STARD13: variants seen among roughly 807,000 people sequenced by gnomAD.
The protein encoded by STARD13 is StAR related lipid transfer domain containing 13, also known as stAR-related lipid transfer protein 13.
A neutral mutation model predicts 106.4 loss-of-function variants in STARD13; 62 were observed. The observed-to-expected ratio is 0.58, with a 90% CI of 0.48 to 0.72. The LOEUF is 0.72. Ranked by LOEUF, STARD13 falls within the 30% of genes least tolerant of loss-of-function variation. STARD13 has a pLI of 0.00. For missense variants in STARD13, 1,387 were observed against 1,424.0 expected (o/e 0.97, Z 0.42); for synonymous variants, 565 against 553.0 (o/e 1.02, Z -0.31).
chr13:33,126,602 T>G (rs1877209155), intron 6 of STARD13, among the ~76,000 whole-genome samples: 1 of 152,076 alleles, frequency 6.6e-6, no homozygotes, highest in African/African-American at 2.4e-5. Context: ...GAAGAAGAAA[T>G]CTGGCTGGGG....
chr13:33,257,910 A>C (rs1397848863), intron 1 of STARD13, among the ~76,000 whole-genome samples: 1 of 152,242 alleles, frequency 6.6e-6, no homozygotes, highest in Non-Finnish European at 1.5e-5. Flanking sequence ...AACAGCTGAG[A>C]CTCATAAATG....
At chr13:33,584,658 T>A in the STARD13 span, among the ~76,000 whole-genome samples, 6 of 152,200 alleles carry the variant, frequency 3.9e-5, no homozygotes, top group Non-Finnish European at 8.8e-5. Flanking sequence ...AATGCTGAAT[T>A]TGAGCAATAG....
the STARD13 span, among the ~76,000 whole-genome samples, chr13:33,522,725 T>TGACA: frequency 1.3e-5 from 2 of 152,198 alleles, no homozygotes; most frequent in African/African-American, 4.8e-5. Flanking sequence ...GTATTGGTAG[T>TGACA]GACAGACAGC....
chr13:33,419,209 A>C, the STARD13 span, among the ~76,000 whole-genome samples: 1 of 152,198 alleles, frequency 6.6e-6, no homozygotes, highest in Non-Finnish European at 1.5e-5. Flanking sequence ...AAGGAAGCTA[A>C]AAACCTTGAA....
intron 4 of STARD13, among the ~76,000 whole-genome samples, chr13:33,136,642 C>T (rs1371329217): frequency 6.6e-6 from 1 of 152,178 alleles, no homozygotes; most frequent in Non-Finnish European, 1.5e-5. Flanking sequence ...GCAGGCACTC[C>T]CCCATTCTGA....
intron 1 of STARD13, among the ~76,000 whole-genome samples, chr13:33,271,175 G>A (rs1463209854): frequency 6.6e-6 from 1 of 152,158 alleles, no homozygotes; most frequent in African/African-American, 2.4e-5. Context: ...ACGGGCCTCA[G>A]CTATGACTGA....
At chr13:33,294,136 A>T (rs553102938) in intron 1 of STARD13, among the ~76,000 whole-genome samples, 5 of 152,340 alleles carry the variant, frequency 3.3e-5, no homozygotes, top group Admixed American at 2.0e-4. Context: ...AAAGGGCATA[A>T]GAAAATTTTA....
At chr13:33,265,257 A>G (rs750365601) in intron 1 of STARD13, among the ~76,000 whole-genome samples, 10 of 151,816 alleles carry the variant, frequency 6.6e-5, no homozygotes, top group Non-Finnish European at 1.0e-4. Context: ...TTTATTCAGT[A>G]TCAGTGGGGC....
At chr13:33,609,910 G>A in the STARD13 span, among the ~76,000 whole-genome samples, 1 of 152,106 alleles carries the variant, frequency 6.6e-6, no homozygotes, top group East Asian at 1.9e-4. Context: ...TATACACTAG[G>A]CATGTGTGCT....
intron 4 of STARD13, among the ~76,000 whole-genome samples, chr13:33,136,406 C>T (rs1157126154): frequency 6.6e-6 from 1 of 152,180 alleles, no homozygotes; most frequent in Non-Finnish European, 1.5e-5. Context: ...CCTGGTGAAA[C>T]CCCACCCTCA....
the STARD13 span, among the ~76,000 whole-genome samples, chr13:33,543,893 T>C: frequency 2.0e-5 from 3 of 152,260 alleles, no homozygotes; most frequent in Admixed American, 6.5e-5. Flanking sequence ...TACTAAAATA[T>C]ACTGGTGATA....
intron 1 of STARD13, among the ~76,000 whole-genome samples, chr13:33,194,272 CA>C (rs1043761093): frequency 6.6e-6 from 1 of 151,628 alleles, no homozygotes; most frequent in African/African-American, 2.4e-5. Flanking sequence ...TACTTCACTT[CA>C]AAAAAACCTT....
At position 33,112,723 on chromosome 13, in the gene STARD13, T is replaced by C; in HGVS notation, c.2490A>G (p.Pro830=). 6.3e-7 allele frequency: 1 copy of C among 1,592,926 alleles called. No homozygotes were observed. ...HLNLLKKESS[P]RVIQKKYATG... is the part of the protein sequence containing the mutation. Reference sequence around the variant, plus strand: ...TGTTACTGAGAAAAAAAACCCACCGTGGAGAGCTTTCTTTCTTCAATAAAT... The same window carrying C: ...TGTTACTGAGAAAAAAAACCCACCGCGGAGAGCTTTCTTTCTTCAATAAAT... The change falls in exon 9 of 14, where the codon CCA becomes CCG. Residue 830 remains proline, a splice_region_variant and synonymous_variant. Transcript: ENST00000336934.
At chr13:33,415,240 C>T in the STARD13 span, among the ~76,000 whole-genome samples, 3 of 152,072 alleles carry the variant, frequency 2.0e-5, no homozygotes, top group Non-Finnish European at 4.4e-5. Flanking sequence ...TGGTGGCGGG[C>T]GCCTGTAGTC....
At position 33,167,606 on chromosome 13, in the gene STARD13, T is replaced by C. The variant is rs771001797; in HGVS notation, c.186A>G (p.Glu62=). 1.2e-6 allele frequency: 2 copies of C among 1,614,194 alleles called. No homozygotes were observed. The highest frequency in any genetic ancestry group is 1.7e-6 in the Non-Finnish European group (2 of 1,180,032). ...TKIQQEIEAK[E]ACDWLRAAGF... is the part of the protein sequence containing the mutation. Reference sequence around the variant, plus strand: ...CGGCAGCACGGAGCCAGTCACATGCTTCTTTTGCCTCAATTTCTGAAAAAC... The same window carrying C: ...CGGCAGCACGGAGCCAGTCACATGCCTCTTTTGCCTCAATTTCTGAAAAAC... The change falls in exon 2 of 14, where the codon GAA becomes GAG. Residue 62 remains glutamate, a synonymous_variant. Coordinates refer to ENST00000336934, the MANE Select transcript of STARD13 (RefSeq NM_178006.4).
In STARD13 at chr13:33,109,860, G is replaced by C. The variant is rs1198107026; in HGVS notation, c.3047+13C>G. 1.9e-6 allele frequency: 3 copies of C among 1,612,718 alleles called. No homozygotes were observed. Among genetic ancestry groups the C allele is most frequent in the Non-Finnish European group, 2.5e-6 (3 of 1,178,636 alleles). ...TTGGAACAGAACATCATAAACCCTA[G>C]AGTCAGGCTCACCTGAGAACCACAA... On this transcript the variant is annotated intron_variant, in intron 12 of 13. Transcript: ENST00000336934.
chr13:33,534,732 T>C, the STARD13 span, among the ~76,000 whole-genome samples: 3 of 152,200 alleles, frequency 2.0e-5, no homozygotes, highest in Non-Finnish European at 4.4e-5. Context: ...CACTATGAGA[T>C]TAAGGACTGG....
At chr13:33,537,801 T>C in the STARD13 span, among the ~76,000 whole-genome samples, 1 of 152,210 alleles carries the variant, frequency 6.6e-6, no homozygotes, top group East Asian at 1.9e-4. Flanking sequence ...AGACTGAATT[T>C]ACAGCTACAG....
intron 1 of STARD13, among the ~76,000 whole-genome samples, chr13:33,257,599 A>G (rs1440887869): frequency 1.3e-5 from 2 of 152,208 alleles, no homozygotes; most frequent in African/African-American, 4.8e-5. Flanking sequence ...GATTTGAAAA[A>G]AATGTGGATT....
Sources: allele counts gnomAD v4.1 joint callset (sites outside exome capture counted in the v4.1 genomes callset), GRCh38; gene constraint gnomAD v4.1.1; transcripts MANE v1.5; gene names NCBI Gene and HGNC (gene_info 2026-07-23, HGNC 2026-07-21).